Variants in ZFHX3 observed in about 807,000 individuals in gnomAD.
ZFHX3 encodes zinc finger homeobox protein 3.
A neutral mutation model predicts 279.1 loss-of-function variants in ZFHX3; 42 were observed. The ratio of observed to expected loss-of-function variants is 0.15; its 90% CI spans 0.12 to 0.19. The LOEUF (loss-of-function observed/expected upper bound fraction) is 0.19, where lower values mean the gene tolerates loss of function less well. Among genes scored for constraint, ZFHX3 ranks in the 10% least tolerant of loss-of-function variants. The pLI, the probability that ZFHX3 is intolerant of heterozygous loss-of-function variation, is 1.00. For missense variants in ZFHX3, 4,981 were observed against 4,754.0 expected (o/e 1.05, Z -1.40); for synonymous variants, 2,293 against 1,957.8 (o/e 1.17, Z -4.52).
intron 2 of ZFHX3, among the ~76,000 whole-genome samples, chr16:73,496,572 C>T (rs149594068): frequency 9.2e-5 from 14 of 152,200 alleles, no homozygotes; most frequent in African/African-American, 1.7e-4. Context: ...AAAAATTAGC[C>T]ATATACCAAA....
At chr16:73,076,932 T>G (rs1420678297) in intron 8 of ZFHX3, among the ~76,000 whole-genome samples, 2 of 152,150 alleles carry the variant, frequency 1.3e-5, no homozygotes, top group African/African-American at 4.8e-5. Context: ...CAACCATATC[T>G]GAATAATCAA....
At position 73,054,327 on chromosome 16, in the gene ZFHX3, C is replaced by G. The variant is rs144714709; in HGVS notation, c.-24+4203G>C. On this transcript the variant is annotated intron_variant, in intron 1 of 8. Coordinates refer to the ZFHX3 transcript ENST00000397992. ...CGCAGGGGACAGGACATTCGAGGTTCCAGGCAGGCGAGCGCCACCAGCCCG... is the reference window on the plus strand; with the variant it reads ...CGCAGGGGACAGGACATTCGAGGTTGCAGGCAGGCGAGCGCCACCAGCCCG... Among the ~76,000 whole-genome samples, 1,184 of 152,084 alleles carry G rather than the reference C, an allele frequency of 7.8e-3. 10 individuals are homozygous for G. The highest frequency in any genetic ancestry group is 0.044 in the Middle Eastern group (13 of 294).
intron 1 of ZFHX3, among the ~76,000 whole-genome samples, chr16:73,749,333 C>T (rs2142267995): frequency 6.7e-6 from 1 of 149,540 alleles, no homozygotes; most frequent in Non-Finnish European, 1.5e-5. Context: ...TCGCAACCAC[C>T]AGCAACAGCA....
chr16:72,927,749 G>A (rs979477202), intron 3 of ZFHX3, among the ~76,000 whole-genome samples: 14 of 151,984 alleles, frequency 9.2e-5, no homozygotes, highest in Admixed American at 2.0e-4. Context: ...TCCCTCCAGC[G>A]CGCTCTCCCC....
chr16:72,865,645 T>TC (rs11397433), intron 4 of ZFHX3, among the ~76,000 whole-genome samples: 152,276 of 152,282 alleles, frequency 1, 76,135 homozygotes, highest in Middle Eastern at 1. Flanking sequence ...GGAGGGTACC[T>TC]CCACTACCTG....
At position 72,794,771 on chromosome 16, in the gene ZFHX3, CTCT is replaced by C. The variant is rs1490734412; in HGVS notation, c.7908_7910del (p.Glu2637del). 2 of 1,614,222 alleles carry C rather than the reference CTCT, an allele frequency of 1.2e-6. No homozygotes were observed. The highest frequency in any genetic ancestry group is 1.7e-6 in the Non-Finnish European group (2 of 1,180,028). On this transcript the variant is annotated inframe_deletion, in exon 9 of 10. Coordinates refer to ENST00000268489, the MANE Select transcript of ZFHX3 (RefSeq NM_006885.4). The surrounding 1 kb of genome is among the most constrained non-coding windows in gnomAD (Gnocchi z 4.2). ...TTCTCAAACGCTTGTCTCTCTGAGG[CTCT>C]TCTCCTCCTGTCCCACTGTCGTTTT...
chr16:73,622,937 G>T (rs1043620703), intron 2 of ZFHX3, among the ~76,000 whole-genome samples: 1 of 152,188 alleles, frequency 6.6e-6, no homozygotes, highest in African/African-American at 2.4e-5. Context: ...TTCTACCCTA[G>T]TACCTGGGGG....
intron 2 of ZFHX3, among the ~76,000 whole-genome samples, chr16:73,674,582 T>G (rs1719551660): frequency 6.6e-6 from 1 of 152,228 alleles, no homozygotes; most frequent in South Asian, 2.1e-4. Flanking sequence ...TTTGCCCCAT[T>G]GCTGTATCCA....
chr16:73,803,879 GC>G (rs1412319769), intron 1 of ZFHX3, among the ~76,000 whole-genome samples: 4 of 152,202 alleles, frequency 2.6e-5, no homozygotes, highest in Non-Finnish European at 5.9e-5. Context: ...ACTAGAAACA[GC>G]CAGGCACAGT....
At chr16:72,907,774 C>G (rs1250501746) in intron 3 of ZFHX3, among the ~76,000 whole-genome samples, 2 of 151,360 alleles carry the variant, frequency 1.3e-5, no homozygotes, top group African/African-American at 4.9e-5. Flanking sequence ...ACCTCTGAGT[C>G]CCAGGCTCAA....
intron 1 of ZFHX3, among the ~76,000 whole-genome samples, chr16:73,816,658 G>C (rs1193519129): frequency 2.0e-5 from 3 of 152,162 alleles, no homozygotes; most frequent in African/African-American, 7.2e-5. Context: ...AGAGAGGGCT[G>C]AATCTCAGGC....
At chr16:73,099,064 G>A (rs180725926) in intron 7 of ZFHX3, 184 of 152,294 alleles carry the variant, frequency 1.2e-3, no homozygotes, top group African/African-American at 4.2e-3. Flanking sequence ...AGTCTAAAAG[G>A]GAAAACAGTG....
intron 3 of ZFHX3, among the ~76,000 whole-genome samples, chr16:73,335,245 GA>G (rs2015889801): frequency 6.6e-6 from 1 of 152,032 alleles, no homozygotes; most frequent in Admixed American, 6.6e-5. Context: ...AGAAAACAAA[GA>G]AATCAAACAA....
At chr16:73,753,986 A>ATGTGTGTGTGTGTGTGTG (rs1310925312) in intron 1 of ZFHX3, among the ~76,000 whole-genome samples, 8,617 of 147,360 alleles carry the variant, frequency 0.058, 546 homozygotes, top group African/African-American at 0.15. Flanking sequence ...GTAAGAATCA[A>ATGTGTGTGTGTGTGTGTG]TGTGTGTGTG....
chr16:73,075,580 T>A (rs1002937975), intron 8 of ZFHX3, among the ~76,000 whole-genome samples: 1 of 151,500 alleles, frequency 6.6e-6, no homozygotes, highest in East Asian at 1.9e-4. Context: ...ATAAATAAAT[T>A]AAAAATATAT....
At chr16:73,249,288 A>T (rs1054414629) in intron 5 of ZFHX3, among the ~76,000 whole-genome samples, 2 of 152,044 alleles carry the variant, frequency 1.3e-5, no homozygotes, top group Admixed American at 6.6e-5. Flanking sequence ...TAATTCTCTA[A>T]TTTTTTCTTG....
intron 1 of ZFHX3, among the ~76,000 whole-genome samples, chr16:72,978,918 T>C (rs1962473657): frequency 6.6e-6 from 1 of 152,242 alleles, no homozygotes; most frequent in South Asian, 2.1e-4. Flanking sequence ...GCCCAGACTC[T>C]GGTCCTCACC....
intron 2 of ZFHX3, among the ~76,000 whole-genome samples, chr16:73,651,096 AAG>A (rs1265030749): frequency 8.5e-5 from 13 of 152,294 alleles, no homozygotes; most frequent in Non-Finnish European, 1.2e-4. Flanking sequence ...TAAAGTACAA[AAG>A]AGAACTTCTA....
At chr16:73,352,054 A>G (rs2016251534) in intron 3 of ZFHX3, among the ~76,000 whole-genome samples, 1 of 152,242 alleles carries the variant, frequency 6.6e-6, no homozygotes, top group African/African-American at 2.4e-5. Context: ...CTCAAAGACC[A>G]CAATGTTCCT....
Sources: allele counts gnomAD v4.1 joint callset (sites outside exome capture counted in the v4.1 genomes callset), GRCh38; gene constraint gnomAD v4.1.1; non-coding constraint Gnocchi (gnomAD v3.1); transcripts MANE v1.5; gene names NCBI Gene and HGNC (gene_info 2026-07-23, HGNC 2026-07-21).